Variants in JPH3 observed in about 807,000 individuals in gnomAD.
The protein encoded by JPH3 is junctophilin-3.
JPH3 carries 11 observed loss-of-function variants against 59.6 expected under a neutral mutation model. The observed-to-expected ratio is 0.18, with a 90% CI of 0.12 to 0.31. The LOEUF (loss-of-function observed/expected upper bound fraction) is 0.31, where lower values mean the gene tolerates loss of function less well. JPH3 is among the 10% of genes least tolerant of loss of function. The probability of loss-of-function intolerance (pLI) is 1.00; values close to 1 mark genes in which losing one functional copy is unlikely to be tolerated. For missense variants in JPH3, 1,202 were observed against 1,105.7 expected, an observed-to-expected ratio of 1.09 and a Z score of -1.24; for synonymous variants, 673 against 483.6, an observed-to-expected ratio of 1.39 and a Z score of -5.14.
At chr16:87,663,820 A>G (rs1159250608) in intron 2 of JPH3, among the ~76,000 whole-genome samples, 1 of 152,168 alleles carries the variant, frequency 6.6e-6, no homozygotes, top group Non-Finnish European at 1.5e-5. Flanking sequence ...TGACATGTGA[A>G]GCTGTGCTGC....
At chr16:87,604,395 A>G in intron 1 of JPH3, 1 of 1,425,402 alleles carries the variant, frequency 7.0e-7, no homozygotes, top group Non-Finnish European at 9.3e-7. Flanking sequence ...GGACTCTCCG[A>G]TATCCACTCC....
intron 4 of JPH3, among the ~76,000 whole-genome samples, chr16:87,691,609 C>G (rs573205146): frequency 6.6e-6 from 1 of 152,260 alleles, no homozygotes; most frequent in East Asian, 1.9e-4. Context: ...GCCAGCCCCA[C>G]CCCCAGAGGG....
chr16:87,691,068 C>T lies in JPH3; in HGVS notation c.2166+542C>T, dbSNP rs527249919. On this transcript the variant is annotated intron_variant, in intron 4 of 4. Transcript: ENST00000284262. ...CGTGAGGCCCGCTGTGTGCAACTCA[C>T]CGTCAGCCTCACCCAGCACCCCCCC... 5.1e-4 allele frequency among the ~76,000 whole-genome samples: 76 copies of T among 148,978 alleles called. 1 individual carries two copies. Among genetic ancestry groups the T allele is most frequent in the Admixed American group, 8.7e-4 (13 of 14,914 alleles).
At chr16:87,694,551 C>T (rs933926942) in intron 4 of JPH3, 3 of 152,272 alleles carry the variant, frequency 2.0e-5, no homozygotes, top group Non-Finnish European at 2.9e-5. Flanking sequence ...AGTTTGCATC[C>T]TTCCTGTGTG....
chr16:87,662,747 T>G lies in JPH3; in HGVS notation c.1160+17712T>G, dbSNP rs181785232. 1.5e-3 allele frequency among the ~76,000 whole-genome samples: 223 copies of G among 152,362 alleles called. 1 individual carries two copies. In the East Asian group the frequency reaches 0.036, roughly 25 times the overall value. On this transcript the variant is annotated intron_variant, in intron 2 of 4. Transcript: ENST00000284262. ...CCTCTGGCTCATCTTGAAGTTAAAA[T>G]GTAGCTCAGACCCTCCTCAGCCCCC...
chr16:87,604,089 G>A (rs2150817942), intron 1 of JPH3: 1 of 1,308,410 alleles, frequency 7.6e-7, no homozygotes, highest in Non-Finnish European at 9.9e-7. Context: ...ACACTTCTAG[G>A]TGGTTGGACG....
At chr16:87,622,525 C>A (rs1036567467) in intron 1 of JPH3, among the ~76,000 whole-genome samples, 2 of 134,362 alleles carry the variant, frequency 1.5e-5, no homozygotes, top group Non-Finnish European at 3.5e-5. Flanking sequence ...TGTGGCAGGG[C>A]CGGGAAGTAG....
At chr16:87,653,032 G>T (rs1331010763) in intron 2 of JPH3, among the ~76,000 whole-genome samples, 1 of 152,146 alleles carries the variant, frequency 6.6e-6, no homozygotes, top group African/African-American at 2.4e-5. Flanking sequence ...GGTTGCTGAG[G>T]AGGGCAGTGC....
chr16:87,638,869 A>T (rs1233369222), intron 1 of JPH3, among the ~76,000 whole-genome samples: 1 of 152,084 alleles, frequency 6.6e-6, no homozygotes, highest in African/African-American at 2.4e-5. Flanking sequence ...CCAAGGGAAG[A>T]AGCAGGGATC....
In JPH3 at chr16:87,603,040, C is replaced by G; in HGVS notation, c.-107C>G. 6.8e-7 allele frequency: 1 copy of G among 1,474,638 alleles called. No homozygotes were observed. The highest frequency in any genetic ancestry group is 9.2e-7 in the Non-Finnish European group (1 of 1,086,272). The allele number at this position is 1,474,638 out of a possible 1,614,324, so 91.3% of individuals were successfully genotyped here. ...CGCTCCGGGGCCGCGTCCTCCTCTC[C>G]TCCGGAAAACGCTCGCGACCCAGGG... On this transcript the variant is annotated 5_prime_UTR_variant, in exon 1 of 5. Transcript: ENST00000284262.
At chr16:87,671,288 G>T (rs1567608426) in intron 2 of JPH3, among the ~76,000 whole-genome samples, 3 of 152,168 alleles carry the variant, frequency 2.0e-5, no homozygotes, top group African/African-American at 7.2e-5. Context: ...CCCCGAGGTG[G>T]CGACTGGGTT....
At position 87,696,659 on chromosome 16, in the gene JPH3, G is replaced by A. The variant is rs748153380; in HGVS notation, c.2246G>A (p.Ter749=). The A allele has an allele frequency of 1.2e-6, 2 of 1,611,430 alleles. No homozygotes were observed. Among genetic ancestry groups the A allele is most frequent in the Non-Finnish European group, 1.7e-6 (2 of 1,178,046 alleles). The change falls in exon 5 of 5, where the codon TGA becomes TAA. Residue 749 remains the stop codon, a stop_retained_variant. Coordinates refer to ENST00000284262, the MANE Select transcript of JPH3 (RefSeq NM_020655.4). ...ATTCTGTTTATTAACTTTTTCATCT[G>A]ATGAGATGTCGCGGTAGCAAAAATA... ...VAILFINFFI[*] is the part of the protein sequence containing the mutation.
intron 2 of JPH3, among the ~76,000 whole-genome samples, chr16:87,659,539 A>G (rs2032634307): frequency 6.6e-6 from 1 of 152,144 alleles, no homozygotes; most frequent in South Asian, 2.1e-4. Flanking sequence ...CTGGGCCAAC[A>G]TGGTGAAATT....
intron 1 of JPH3, among the ~76,000 whole-genome samples, chr16:87,624,708 A>T (rs930369112): frequency 6.6e-6 from 1 of 152,126 alleles, no homozygotes; most frequent in Non-Finnish European, 1.5e-5. Flanking sequence ...CTGGGTGGAG[A>T]TTGTGGGGTG....
intron 2 of JPH3, among the ~76,000 whole-genome samples, chr16:87,651,614 G>C (rs892026476): frequency 1.3e-5 from 2 of 152,242 alleles, no homozygotes; most frequent in Non-Finnish European, 2.9e-5. Context: ...TGCAGATGTG[G>C]TGGAAATAGC....
At chr16:87,646,391 A>G (rs77073568) in intron 2 of JPH3, among the ~76,000 whole-genome samples, 1 of 152,248 alleles carries the variant, frequency 6.6e-6, no homozygotes, top group Non-Finnish European at 1.5e-5. Context: ...CCGAGGTCCA[A>G]ACTCGCTGTT....
In JPH3 at chr16:87,677,223, CACAA is replaced by C. The variant is rs763285440; in HGVS notation, c.1161-6917_1161-6914del. On this transcript the variant is annotated intron_variant, in intron 2 of 4. Transcript: ENST00000284262. Reference sequence around the variant, plus strand: ...ACACACACACACACACACACACACACACAAAAAAAAAAATTAGCCGGGTGTGGTG... The same window carrying C: ...ACACACACACACACACACACACACACAAAAAAAAATTAGCCGGGTGTGGTG... Among the ~76,000 whole-genome samples the C allele has an allele frequency of 4.8e-3, 532 of 111,424 alleles. 4 individuals carry two copies. Among genetic ancestry groups the C allele is most frequent in the South Asian group, 9.2e-3 (31 of 3,380 alleles). The allele number at this position is 111,424 out of a possible 152,430, so 73.1% of individuals were successfully genotyped here.
At position 87,639,542 on chromosome 16, in the gene JPH3, C is replaced by T. The variant is rs149715077; in HGVS notation, c.383-4716C>T. 5.0e-3 allele frequency among the ~76,000 whole-genome samples: 757 copies of T among 152,152 alleles called. 12 individuals carry two copies. Among genetic ancestry groups the T allele is most frequent in the Middle Eastern group, 0.034 (10 of 294 alleles). ...ACCGTCACCAGAACTTTTCCATCTC[C>T]AGAACTTTCTCATCTTCCCAAACCG... On this transcript the variant is annotated intron_variant, in intron 1 of 4. Coordinates refer to ENST00000284262, the MANE Select transcript of JPH3 (RefSeq NM_020655.4).
chr16:87,618,480 G>T (rs902463122), intron 1 of JPH3, among the ~76,000 whole-genome samples: 1 of 152,142 alleles, frequency 6.6e-6, no homozygotes, highest in African/African-American at 2.4e-5. Context: ...GCCCCGAGAG[G>T]CCAGGTACGT....
Sources: gnomAD v4.1 joint callset for allele counts (sites outside exome capture counted in the v4.1 genomes callset) on GRCh38, gnomAD v4.1.1 for gene constraint, MANE v1.5 for transcripts, NCBI Gene and HGNC (gene_info 2026-07-23, HGNC 2026-07-21) for gene names.